The following SULF2 variants were observed in gnomAD, a reference collection of about 807,000 sequenced individuals.
The protein encoded by SULF2 is sulfatase 2, also known as extracellular sulfatase Sulf-2.
SULF2 carries 52 observed loss-of-function variants against 107.7 expected under a neutral mutation model. The observed-to-expected ratio is 0.48, with a 90% CI of 0.39 to 0.61. The LOEUF is 0.61. SULF2 is among the 20% of genes least tolerant of loss of function. SULF2 has a pLI of 0.00. For missense variants in SULF2, 993 were observed against 1,177.3 expected, an observed-to-expected ratio of 0.84 and a Z score of 2.29; for synonymous variants, 460 against 464.3, an observed-to-expected ratio of 0.99 and a Z score of 0.12.
In SULF2 at chr20:47,687,924, G is replaced by C. The variant is rs548009485; in HGVS notation, c.737+2202C>G. ...GTCTCACTAAGTTGCCCAGGCTTGT[G>C]TGTGTTTCATTGTGTGTATCTGCTT... On this transcript the variant is annotated intron_variant, in intron 5 of 20. Transcript: ENST00000688720. Among the ~76,000 whole-genome samples, 3 of 152,084 alleles carry C rather than the reference G, an allele frequency of 2.0e-5. No homozygotes were observed. The South Asian group carries it at 6.2e-4, about 32-fold the overall frequency.
intron 1 of SULF2, among the ~76,000 whole-genome samples, chr20:47,769,427 A>T (rs2090587881): frequency 6.8e-6 from 1 of 148,016 alleles, no homozygotes; most frequent in East Asian, 2.0e-4. Flanking sequence ...CAAACTCCTG[A>T]CCTCAAGTGA....
intron 10 of SULF2, among the ~76,000 whole-genome samples, chr20:47,674,610 C>T (rs894371992): frequency 1.3e-5 from 2 of 151,634 alleles, no homozygotes; most frequent in Admixed American, 6.5e-5. Context: ...CTTAGGATGT[C>T]CCCGTGTCAC....
intron 4 of SULF2, among the ~76,000 whole-genome samples, chr20:47,693,429 C>T (rs2088270428): frequency 6.6e-6 from 1 of 152,198 alleles, no homozygotes; most frequent in African/African-American, 2.4e-5. Flanking sequence ...CATCTTAGAA[C>T]TATATGCCTG....
intron 13 of SULF2, 31 bp downstream of exon 13, chr20:47,665,824 CGA>C: frequency 6.3e-7 from 1 of 1,579,614 alleles, no homozygotes; most frequent in Non-Finnish European, 8.7e-7. Flanking sequence ...CCGTGGTGGC[CGA>C]GAGCATGCTC....
Position 47,727,585 on chromosome 20 carries a change from C to T in SULF2, c.415+9118G>A, listed in dbSNP as rs1257550990. On this transcript the variant is annotated intron_variant, in intron 3 of 20. Transcript: ENST00000688720. ...AGAGAGGGTGTCGCCTGGAAACAAT[C>T]GGAAACCCTGCCCCATCGGCCTCAC... Among the ~76,000 whole-genome samples the T allele has an allele frequency of 4.6e-5, 7 of 152,178 alleles. No individual in the cohort carries two copies. In the South Asian group the frequency reaches 6.2e-4, roughly 14 times the overall value.
intron 1 of SULF2, among the ~76,000 whole-genome samples, chr20:47,773,198 A>G (rs919334498): frequency 5.9e-5 from 9 of 152,248 alleles, no homozygotes; most frequent in Non-Finnish European, 1.5e-5. Flanking sequence ...AGTGGCCACA[A>G]GGCAGGCCAG....
chr20:47,668,608 A>G (rs2087355669), intron 11 of SULF2, among the ~76,000 whole-genome samples: 1 of 152,208 alleles, frequency 6.6e-6, no homozygotes, highest in African/African-American at 2.4e-5. Context: ...GATTTGGGTA[A>G]CTTCTCAGGA....
At chr20:47,752,701 T>C (rs990084306) in intron 2 of SULF2, among the ~76,000 whole-genome samples, 1 of 151,946 alleles carries the variant, frequency 6.6e-6, no homozygotes, top group Non-Finnish European at 1.5e-5. Flanking sequence ...CAGTGAGTAG[T>C]GATCACACCA....
intron 4 of SULF2, among the ~76,000 whole-genome samples, chr20:47,695,288 G>GT (rs2088337549): frequency 6.6e-6 from 1 of 151,040 alleles, no homozygotes; most frequent in African/African-American, 2.5e-5. Context: ...CTTTATTGTG[G>GT]TAAAAAAAAA....
At chr20:47,681,876 G>C (rs1444933701) in intron 7 of SULF2, among the ~76,000 whole-genome samples, 1 of 152,122 alleles carries the variant, frequency 6.6e-6, no homozygotes, top group Non-Finnish European at 1.5e-5. Context: ...GTAGAGGCAG[G>C]GTTTCACCAT....
chr20:47,694,374 G>A lies in SULF2; in HGVS notation c.568-4079C>T, dbSNP rs774535268. Among the ~76,000 whole-genome samples, 4 of 152,202 alleles carry A rather than the reference G, an allele frequency of 2.6e-5. No individual in the cohort carries two copies. The highest frequency in any genetic ancestry group is 2.1e-4 in the South Asian group (1 of 4,836). ...GGGAAGGGTAGAGAAGGCCTGGGCC[G>A]GGGGAAAGGCTGAGTTCAGAGATGG... On this transcript the variant is annotated intron_variant, in intron 4 of 20. Coordinates refer to ENST00000688720, the MANE Select transcript of SULF2 (RefSeq NM_001387048.1). The surrounding 1 kb of genome is among the most constrained non-coding windows in gnomAD (Gnocchi z 4.4).
intron 4 of SULF2, among the ~76,000 whole-genome samples, chr20:47,695,477 C>G (rs939109971): frequency 6.6e-6 from 1 of 152,172 alleles, no homozygotes; most frequent in Non-Finnish European, 1.5e-5. Flanking sequence ...CACCATTCTC[C>G]TTTTTGCTGC....
At chr20:47,718,951 AATCT>A (rs1344610660) in intron 3 of SULF2, among the ~76,000 whole-genome samples, 12 of 152,338 alleles carry the variant, frequency 7.9e-5, no homozygotes, top group Admixed American at 7.2e-4. Context: ...AGAGGTTCTT[AATCT>A]GTTGTCCCAA....
intron 1 of SULF2, among the ~76,000 whole-genome samples, chr20:47,774,346 T>G (rs758618489): frequency 4.4e-4 from 67 of 152,182 alleles, no homozygotes; most frequent in Non-Finnish European, 8.1e-4. Context: ...GGTGTTGGGG[T>G]GGAAGGCAGT....
intron 1 of SULF2, among the ~76,000 whole-genome samples, chr20:47,758,284 C>T (rs1215269454): frequency 2.0e-5 from 3 of 151,622 alleles, no homozygotes; most frequent in African/African-American, 7.3e-5. Flanking sequence ...ATTCTCCTGC[C>T]TCAGCCTCTA....
At chr20:47,754,688 G>T (rs1220540004) in intron 2 of SULF2, among the ~76,000 whole-genome samples, 2 of 152,198 alleles carry the variant, frequency 1.3e-5, no homozygotes, top group African/African-American at 4.8e-5. Context: ...GTGCAACGAT[G>T]CCTGTTTAAA....
chr20:47,664,167 G>A lies in SULF2; in HGVS notation c.2020C>T (p.Arg674Cys), dbSNP rs375580969. 11 of 1,612,940 alleles carry A rather than the reference G, an allele frequency of 6.8e-6. No homozygotes were observed. Among genetic ancestry groups the A allele is most frequent in the East Asian group, 6.7e-5 (3 of 44,878 alleles). The stretch of plus-strand genomic sequence containing the variant: ...AGACTGGAGCCTCTGTGCTTGAGGC[G>A]GCCTTTGTGCTGGGTGTGGTAGCTG... ...KISYHTQHKG[R>C]LKHRGSSLHP... The change falls in exon 15 of 21, where the codon CGC (arginine) becomes TGC (cysteine). Residue 674 changes from arginine to cysteine, a missense_variant. By Grantham distance (180) the Arg-to-Cys change is radical. Around this residue, in one of 3 missense-constraint regions of SULF2, gnomAD observed 497 missense variants for 544.1 expected, o/e 0.91. Transcript: ENST00000688720.
chr20:47,779,616 T>C (rs1251850105), intron 1 of SULF2, among the ~76,000 whole-genome samples: 1 of 152,196 alleles, frequency 6.6e-6, no homozygotes, highest in Non-Finnish European at 1.5e-5. Flanking sequence ...TATTTTTTAA[T>C]TTATTTTTGA....
At chr20:47,690,798 G>C (rs2088171311) in intron 4 of SULF2, among the ~76,000 whole-genome samples, 1 of 151,736 alleles carries the variant, frequency 6.6e-6, no homozygotes, top group Non-Finnish European at 1.5e-5. Context: ...GAACACAGGA[G>C]GTGGAGGCTG....
Sources: allele counts gnomAD v4.1 joint callset (sites outside exome capture counted in the v4.1 genomes callset), GRCh38; gene constraint gnomAD v4.1.1; regional missense constraint gnomAD v4.1.1; non-coding constraint Gnocchi (gnomAD v3.1); transcripts MANE v1.5; gene names NCBI Gene and HGNC (gene_info 2026-07-23, HGNC 2026-07-21).